PHACTR1: variants seen among roughly 807,000 people sequenced by gnomAD.
PHACTR1 encodes the protein RPEL repeat containing 1.
In PHACTR1, 16 loss-of-function variants were observed where a neutral mutation model predicts 69.2. That is an observed-to-expected ratio of 0.23 (90% CI 0.16 to 0.35). PHACTR1 has a LOEUF of 0.35. Among genes scored for constraint, PHACTR1 ranks in the 10% least tolerant of loss-of-function variants. PHACTR1 has a pLI of 1.00. For synonymous variants in PHACTR1, 312 were observed against 284.5 expected (o/e 1.10, Z -0.97); for missense variants, 510 against 734.7 (o/e 0.69, Z 3.54).
chr6:13,081,638 A>G (rs995302092), intron 5 of PHACTR1, among the ~76,000 whole-genome samples: 3 of 151,930 alleles, frequency 2.0e-5, no homozygotes, highest in African/African-American at 4.8e-5. Flanking sequence ...CCTGGGCAAC[A>G]TAGTAAGACC....
At chr6:13,007,258 A>G (rs1036664588) in intron 4 of PHACTR1, among the ~76,000 whole-genome samples, 8 of 152,194 alleles carry the variant, frequency 5.3e-5, no homozygotes, top group African/African-American at 1.7e-4. Flanking sequence ...TTTTATTTCT[A>G]TAAGACAAAT....
intron 4 of PHACTR1, among the ~76,000 whole-genome samples, chr6:13,041,428 C>T (rs953257662): frequency 5.5e-5 from 8 of 145,190 alleles, no homozygotes; most frequent in Non-Finnish European, 1.1e-4. Context: ...CAAAAATACT[C>T]ACTTCAGCAG....
intron 4 of PHACTR1, chr6:12,933,668 A>C: frequency 6.2e-7 from 1 of 1,612,804 alleles, no homozygotes. Flanking sequence ...TGAAGCAAGA[A>C]TGGGACCAGC....
chr6:12,761,369 G>A (rs1051559800), intron 4 of PHACTR1, among the ~76,000 whole-genome samples: 1 of 152,106 alleles, frequency 6.6e-6, no homozygotes, highest in Non-Finnish European at 1.5e-5. Flanking sequence ...ACTGACTCCA[G>A]CATTTAACAA....
At chr6:12,966,219 G>T (rs958851767) in intron 4 of PHACTR1, among the ~76,000 whole-genome samples, 4 of 152,180 alleles carry the variant, frequency 2.6e-5, no homozygotes, top group African/African-American at 7.2e-5. Flanking sequence ...CAGGCTGGGG[G>T]CAGACGGGCC....
At chr6:13,268,899 TGA>T (rs1184557614) in intron 10 of PHACTR1, among the ~76,000 whole-genome samples, 9 of 152,244 alleles carry the variant, frequency 5.9e-5, no homozygotes, top group African/African-American at 2.2e-4. Context: ...TTTGAAATTA[TGA>T]GTGTTTGACT....
intron 5 of PHACTR1, among the ~76,000 whole-genome samples, chr6:13,091,242 A>G (rs918766982): frequency 6.6e-6 from 1 of 152,078 alleles, no homozygotes; most frequent in South Asian, 2.1e-4. Flanking sequence ...CGGGTGATCC[A>G]CCCACCTCAG....
intron 4 of PHACTR1, among the ~76,000 whole-genome samples, chr6:12,794,319 A>G (rs1379380086): frequency 6.6e-6 from 1 of 152,236 alleles, no homozygotes; most frequent in African/African-American, 2.4e-5. Context: ...TGTTAAGGGT[A>G]TCCTTGCTTT....
chr6:13,220,466 C>T (rs971771275), intron 8 of PHACTR1, among the ~76,000 whole-genome samples: 3 of 152,162 alleles, frequency 2.0e-5, no homozygotes, highest in Non-Finnish European at 4.4e-5. Flanking sequence ...AATGACGTCA[C>T]CTTACAAAGC....
intron 3 of PHACTR1, among the ~76,000 whole-genome samples, chr6:12,735,598 A>C (rs1389053252): frequency 2.0e-5 from 3 of 152,252 alleles, no homozygotes; most frequent in Non-Finnish European, 4.4e-5. Context: ...GTAGGCTCTC[A>C]GGGAGAGAAG....
chr6:13,000,376 C>G (rs939369298), intron 4 of PHACTR1, among the ~76,000 whole-genome samples: 9 of 151,982 alleles, frequency 5.9e-5, no homozygotes, highest in African/African-American at 2.2e-4. Flanking sequence ...CGTGAGACCC[C>G]GTCTCTATAA....
At chr6:13,265,325 A>T (rs1280504552) in intron 10 of PHACTR1, among the ~76,000 whole-genome samples, 2 of 148,334 alleles carry the variant, frequency 1.3e-5, no homozygotes, top group African/African-American at 2.5e-5. Context: ...GGCCATACCT[A>T]TCATCTTACT....
At position 12,957,255 on chromosome 6, in the gene PHACTR1, C is replaced by CAAA. The variant is rs35500368; in HGVS notation, c.251-96092_251-96090dup. 838 of 271,640 alleles carry CAAA rather than the reference C, an allele frequency of 3.1e-3. 1 individual carries two copies. The highest frequency in any genetic ancestry group is 3.4e-3 in the Non-Finnish European group (719 of 210,332). The allele number at this position is 271,640 out of a possible 1,614,324, so 16.8% of individuals were successfully genotyped here. ...CATGTTAAAAAGCTCAACAAATACT[C>CAAA]AAAAAAAAAAAAAAAAAAAAGCCCA... is the stretch of plus-strand genomic sequence containing the variant. On this transcript the variant is annotated intron_variant, in intron 4 of 14. Coordinates refer to ENST00000332995, the MANE Select transcript of PHACTR1 (RefSeq NM_030948.6).
rs11753899 is a variant in PHACTR1 at position 13,254,851 on chromosome 6, C to T, written c.1392-18009C>T. 5.4e-3 allele frequency among the ~76,000 whole-genome samples: 823 copies of T among 152,262 alleles called. 9 individuals are homozygous for T. The highest frequency in any genetic ancestry group is 0.018 in the African/African-American group (733 of 41,548). ...GCCAAGAAAGCAATAGACTACTTAT[C>T]TATTTTTATATAAAGACATTATAGA... is the stretch of plus-strand genomic sequence containing the variant. On this transcript the variant is annotated intron_variant, in intron 10 of 14. Transcript: ENST00000332995.
chr6:13,150,233 T>C (rs1286894267), intron 5 of PHACTR1, among the ~76,000 whole-genome samples: 3 of 152,050 alleles, frequency 2.0e-5, no homozygotes, highest in Admixed American at 6.6e-5. Context: ...TCCCAGCAAC[T>C]TGGGAGGCTG....
At chr6:12,723,735 C>T (rs112202214) in intron 3 of PHACTR1, among the ~76,000 whole-genome samples, 1,846 of 152,212 alleles carry the variant, frequency 0.012, 57 homozygotes, top group African/African-American at 0.042. Context: ...AGTCCTCCCA[C>T]CTCAGCCTCC....
chr6:13,014,225 C>T (rs1458206553), intron 4 of PHACTR1, among the ~76,000 whole-genome samples: 1 of 152,086 alleles, frequency 6.6e-6, no homozygotes, highest in Non-Finnish European at 1.5e-5. Context: ...GGGGCACCGC[C>T]GGCGTCTGTC....
At chr6:13,194,097 T>C (rs1764002198) in intron 7 of PHACTR1, among the ~76,000 whole-genome samples, 1 of 152,198 alleles carries the variant, frequency 6.6e-6, no homozygotes, top group South Asian at 2.1e-4. Context: ...CATCTACCAT[T>C]TTGACTCTTT....
chr6:12,729,311 G>C (rs1205947417), intron 3 of PHACTR1, among the ~76,000 whole-genome samples: 1 of 152,140 alleles, frequency 6.6e-6, no homozygotes, highest in Non-Finnish European at 1.5e-5. Flanking sequence ...AAACTGTATT[G>C]ATTTCCTCTG....
Sources: gnomAD v4.1 joint callset for allele counts (sites outside exome capture counted in the v4.1 genomes callset) on GRCh38, gnomAD v4.1.1 for gene constraint, MANE v1.5 for transcripts, NCBI Gene and HGNC (gene_info 2026-07-23, HGNC 2026-07-21) for gene names.